Variants in PKIB observed in about 807,000 individuals in gnomAD.
The protein encoded by PKIB is cAMP-dependent protein kinase inhibitor beta, also known as PKI-beta.
In PKIB, 2 loss-of-function variants were observed where a neutral mutation model predicts 4.5. The observed-to-expected ratio is 0.44, with a 90% CI of 0.18 to 1.39. The LOEUF (loss-of-function observed/expected upper bound fraction) is 1.39. Among genes scored for constraint, PKIB ranks in the 40% most tolerant of loss-of-function variants. PKIB has a pLI of 0.27. For synonymous variants in PKIB, 38 were observed against 36.0 expected, an observed-to-expected ratio of 1.06 and a Z score of -0.20; for missense variants, 94 against 92.6, an observed-to-expected ratio of 1.02 and a Z score of -0.06.
At chr6:122,629,487 G>C (rs1775604299) in intron 1 of PKIB, among the ~76,000 whole-genome samples, 1 of 152,104 alleles carries the variant, frequency 6.6e-6, no homozygotes, top group Non-Finnish European at 1.5e-5. Flanking sequence ...CAAATAATTT[G>C]AGTAGACACA....
intron 3 of PKIB, among the ~76,000 whole-genome samples, chr6:122,697,562 T>C (rs545668067): frequency 1.6e-4 from 24 of 151,908 alleles, no homozygotes; most frequent in Non-Finnish European, 3.4e-4. Context: ...CTGTGTGACA[T>C]TGATGTAGAG....
intron 2 of PKIB, among the ~76,000 whole-genome samples, chr6:122,512,319 T>A (rs1427581036): frequency 6.6e-6 from 1 of 152,218 alleles, no homozygotes; most frequent in African/African-American, 2.4e-5. Flanking sequence ...CTTTCATTGC[T>A]CATTCCATAA....
intron 2 of PKIB, among the ~76,000 whole-genome samples, chr6:122,672,488 T>A (rs988099388): frequency 6.6e-6 from 1 of 152,154 alleles, no homozygotes; most frequent in African/African-American, 2.4e-5. Flanking sequence ...TCAATACACC[T>A]TGATGAGTCC....
intron 2 of PKIB, among the ~76,000 whole-genome samples, chr6:122,519,214 T>C (rs1253971321): frequency 6.6e-6 from 1 of 152,100 alleles, no homozygotes; most frequent in Non-Finnish European, 1.5e-5. Flanking sequence ...GAACTGTGCA[T>C]GTGAGGGATC....
At chr6:122,651,629 A>C (rs1410133105) in intron 2 of PKIB, among the ~76,000 whole-genome samples, 1 of 152,228 alleles carries the variant, frequency 6.6e-6, no homozygotes, top group East Asian at 1.9e-4. Flanking sequence ...TTTGTTCTCA[A>C]TCAATCCTCC....
At chr6:122,702,246 G>C (rs537967242) in intron 3 of PKIB, among the ~76,000 whole-genome samples, 1 of 151,470 alleles carries the variant, frequency 6.6e-6, no homozygotes, top group Non-Finnish European at 1.5e-5. Context: ...TATTGCCCCA[G>C]CAGAGGCAAA....
chr6:122,628,199 G>A lies in PKIB; in HGVS notation c.-160-5084G>A, dbSNP rs144383999. 3.0e-3 allele frequency among the ~76,000 whole-genome samples: 463 copies of A among 152,132 alleles called. 4 individuals carry two copies. The highest frequency in any genetic ancestry group is 0.014 in the Middle Eastern group (4 of 294). On this transcript the variant is annotated intron_variant, in intron 1 of 4. Coordinates refer to ENST00000368452, the MANE Select transcript of PKIB (RefSeq NM_181795.3). ...ATTACAGGCATGCGCCACCAAGTCC[G>A]GCTAATTTTGTATTTTTAGTAGAGA...
intron 2 of PKIB, among the ~76,000 whole-genome samples, chr6:122,508,372 G>A (rs1378746617): frequency 6.6e-6 from 1 of 152,188 alleles, no homozygotes; most frequent in East Asian, 1.9e-4. Context: ...TTTTGATGCG[G>A]TAGTTGTAGT....
intron 3 of PKIB, among the ~76,000 whole-genome samples, chr6:122,590,058 G>A (rs372222153): frequency 5.8e-4 from 88 of 152,206 alleles, no homozygotes; most frequent in African/African-American, 2.0e-3. Flanking sequence ...CAGAACAAAA[G>A]GGGGATTTTA....
chr6:122,651,399 G>A (rs1014905555), intron 2 of PKIB, among the ~76,000 whole-genome samples: 2 of 152,136 alleles, frequency 1.3e-5, no homozygotes, highest in Admixed American at 1.3e-4. Flanking sequence ...GAAGCAAAGA[G>A]GGGTGTCAGG....
At chr6:122,642,231 C>T (rs1374432679) in intron 2 of PKIB, among the ~76,000 whole-genome samples, 2 of 152,150 alleles carry the variant, frequency 1.3e-5, no homozygotes, top group Non-Finnish European at 2.9e-5. Flanking sequence ...TAAATAAACT[C>T]TTAAATTTAT....
chr6:122,658,557 T>C (rs1776860865), intron 2 of PKIB, among the ~76,000 whole-genome samples: 1 of 152,094 alleles, frequency 6.6e-6, no homozygotes, highest in Non-Finnish European at 1.5e-5. Flanking sequence ...AAGCTTGAAA[T>C]TGTTGTTTTC....
At chr6:122,475,119 C>T (rs1485544203) in intron 1 of PKIB, among the ~76,000 whole-genome samples, 1 of 151,880 alleles carries the variant, frequency 6.6e-6, no homozygotes, top group Non-Finnish European at 1.5e-5. Context: ...CTGCAACCTC[C>T]ACCTCCCAAA....
chr6:122,511,217 T>A (rs1315750486), intron 2 of PKIB, among the ~76,000 whole-genome samples: 1 of 152,194 alleles, frequency 6.6e-6, no homozygotes, highest in Non-Finnish European at 1.5e-5. Context: ...TAAGGTCCTC[T>A]TCAACTCTTT....
chr6:122,703,229 A>G (rs1398580949), intron 3 of PKIB, among the ~76,000 whole-genome samples: 4 of 152,178 alleles, frequency 2.6e-5, no homozygotes, highest in Admixed American at 6.5e-5. Flanking sequence ...TACTATTTGT[A>G]AAAAATTTTT....
intron 3 of PKIB, among the ~76,000 whole-genome samples, chr6:122,688,638 T>C (rs1778188466): frequency 6.6e-6 from 1 of 152,140 alleles, no homozygotes; most frequent in Non-Finnish European, 1.5e-5. Context: ...TTACTTGTTA[T>C]TGGTCTGTTC....
chr6:122,605,915 A>G (rs13191198), upstream of PKIB, among the ~76,000 whole-genome samples: 51,475 of 152,136 alleles, frequency 0.34, 10,070 homozygotes, highest in Non-Finnish European at 0.44. Context: ...AATAGACCTG[A>G]AGAGCTATCA....
chr6:122,686,977 C>T (rs1778119393), intron 3 of PKIB, among the ~76,000 whole-genome samples: 1 of 152,118 alleles, frequency 6.6e-6, no homozygotes, highest in South Asian at 2.1e-4. Flanking sequence ...CTGATGTGAT[C>T]CCATCTGTCC....
At chr6:122,562,176 G>A (rs1381641541) in intron 2 of PKIB, among the ~76,000 whole-genome samples, 5 of 151,270 alleles carry the variant, frequency 3.3e-5, no homozygotes, top group African/African-American at 7.3e-5. Flanking sequence ...CTCAGCATTC[G>A]TTTGTCTGAA....
Sources: gnomAD v4.1 joint callset for allele counts (sites outside exome capture counted in the v4.1 genomes callset) on GRCh38, gnomAD v4.1.1 for gene constraint, MANE v1.5 for transcripts, NCBI Gene and HGNC (gene_info 2026-07-23, HGNC 2026-07-21) for gene names.